Variants in LMTK2 observed in about 807,000 individuals in gnomAD.
LMTK2 encodes lemur tail kinase 2.
Under a neutral mutation model 127.5 loss-of-function variants are expected in LMTK2, and 37 were observed. The ratio of observed to expected loss-of-function variants is 0.29; its 90% CI spans 0.22 to 0.38. The LOEUF is 0.38. Ranked by LOEUF, LMTK2 falls within the 10% of genes least tolerant of loss-of-function variation. LMTK2 has a pLI of 1.00. For missense variants in LMTK2, 1,694 were observed against 1,920.3 expected (o/e 0.88, Z 2.20); for synonymous variants, 819 against 810.1 (o/e 1.01, Z -0.19).
intron 7 of LMTK2, among the ~76,000 whole-genome samples, chr7:98,174,456 G>A (rs1475246307): frequency 6.6e-6 from 1 of 152,224 alleles, no homozygotes; most frequent in African/African-American, 2.4e-5. Flanking sequence ...CATGTAAACA[G>A]CAGGCGCTGC....
intron 3 of LMTK2, among the ~76,000 whole-genome samples, chr7:98,149,161 C>T (rs1211861882): frequency 1.3e-5 from 2 of 152,192 alleles, no homozygotes; most frequent in Non-Finnish European, 2.9e-5. Flanking sequence ...CTCAGGACAA[C>T]CCCAGTTAGG....
rs548730770 is a variant in LMTK2 at position 98,116,408 on chromosome 7, ATGTGCGTGTGTT to A, written c.103+9140_103+9151del. ...TGTGTGTCTGTGTGTGTGTGTGTGC[ATGTGCGTGTGTT>A]TGTGCGTGTGTGTGTGTGTTTGTGT... On this transcript the variant is annotated intron_variant, in intron 1 of 13. Transcript: ENST00000297293. 2.4e-4 allele frequency among the ~76,000 whole-genome samples: 36 copies of A among 147,456 alleles called. No individual in the cohort carries two copies. The East Asian group carries it at 6.9e-3, about 28-fold the overall frequency.
rs1276135111 is a variant in LMTK2 at position 98,205,917 on chromosome 7, C to T, written c.*425C>T. 1.6e-5 allele frequency: 3 copies of T among 182,214 alleles called. No individual in the cohort carries two copies. Among genetic ancestry groups the T allele is most frequent in the Non-Finnish European group, 3.4e-5 (3 of 87,048 alleles). The allele number at this position is 182,214 out of a possible 1,614,324, so 11.3% of individuals were successfully genotyped here. A position where few individuals can be genotyped will look rare whatever the true frequency, so the allele number is the denominator to read the frequency against. On this transcript the variant is annotated 3_prime_UTR_variant, in exon 14 of 14. Coordinates refer to ENST00000297293, the MANE Select transcript of LMTK2 (RefSeq NM_014916.4). The stretch of plus-strand genomic sequence containing the variant: ...ACAGAGGACACGTGAGGGGAATGGT[C>T]ACCAGTGAGCCATATTTATTATTTC...
At position 98,154,792 on chromosome 7, in the gene LMTK2, T is replaced by C. The variant is rs1183742300; in HGVS notation, c.485T>C (p.Val162Ala). 7.4e-6 allele frequency: 12 copies of C among 1,613,596 alleles called. No individual in the cohort carries two copies. Among genetic ancestry groups the C allele is most frequent in the Middle Eastern group, 1.6e-4 (1 of 6,080 alleles). Residue 162 changes from valine (V) to alanine (A), a missense_variant, in exon 5 of 14, where the codon GTA becomes GCA. This residue lies in a region of LMTK2 where 203 missense variants were observed against 226.2 expected (regional missense o/e 0.90). Coordinates refer to ENST00000297293, the MANE Select transcript of LMTK2 (RefSeq NM_014916.4). ...GGAGAGATTTACACGGGCACTAGCG[T>C]AGCAAGAGTCATCGTGAAGGAGTTA... ...LLGEIYTGTSVARVIVKELKA... is the reference protein window; with the variant it reads ...LLGEIYTGTSAARVIVKELKA...
chr7:98,203,920 T>A (rs749891158), intron 12 of LMTK2, 24 bp from the exon 13 acceptor site: 206 of 1,610,258 alleles, frequency 1.3e-4, no homozygotes, highest in Non-Finnish European at 1.6e-4. Context: ...ATAAAAAGGG[T>A]GGGGTTTTAT....
intron 8 of LMTK2, 47 bp from the exon 9 acceptor site, chr7:98,186,830 A>G: frequency 6.4e-7 from 1 of 1,561,140 alleles, no homozygotes; most frequent in Non-Finnish European, 8.8e-7. Context: ...TGAACTCACC[A>G]AAAGTATAAT....
chr7:98,140,525 A>G (rs1584258703), intron 2 of LMTK2, among the ~76,000 whole-genome samples: 1 of 152,020 alleles, frequency 6.6e-6, no homozygotes, highest in Non-Finnish European at 1.5e-5. Context: ...TATGCGTCAC[A>G]TGGTTTTTTT....
At chr7:98,156,569 A>T (rs182886417) in intron 5 of LMTK2, among the ~76,000 whole-genome samples, 179 of 152,336 alleles carry the variant, frequency 1.2e-3, no homozygotes, top group African/African-American at 4.0e-3. Context: ...ATGTAAAATG[A>T]TAGAGCCACT....
intron 1 of LMTK2, among the ~76,000 whole-genome samples, chr7:98,131,114 G>A (rs974194281): frequency 2.6e-5 from 4 of 152,204 alleles, no homozygotes; most frequent in African/African-American, 9.6e-5. Context: ...GTGCTGTTTG[G>A]AAGCAAATTC....
At chr7:98,185,756 C>G (rs62479804) in intron 8 of LMTK2, among the ~76,000 whole-genome samples, 2 of 149,480 alleles carry the variant, frequency 1.3e-5, no homozygotes, top group East Asian at 3.9e-4. Flanking sequence ...TAAACGGAGT[C>G]TTGCTATATT....
At position 98,194,744 on chromosome 7, in the gene LMTK2, C is replaced by T. The variant is rs1046787921; in HGVS notation, c.4107+172C>T. Among the ~76,000 whole-genome samples, 1 of 152,240 alleles carries T rather than the reference C, an allele frequency of 6.6e-6. No homozygotes were observed. Among genetic ancestry groups the T allele is most frequent in the African/African-American group, 2.4e-5 (1 of 41,460 alleles). ...GAGTTCTAAGAATATGCAGAAATGT[C>T]ATTTGCTCAGGGAGTTCGTATTAAA... On this transcript the variant is annotated intron_variant, in intron 11 of 13. Transcript: ENST00000297293. This position sits in a 1 kb window ranked among gnomAD's most constrained non-coding sequence, Gnocchi z 5.4.
At chr7:98,152,204 G>A (rs941722706) in intron 4 of LMTK2, among the ~76,000 whole-genome samples, 1 of 152,092 alleles carries the variant, frequency 6.6e-6, no homozygotes, top group African/African-American at 2.4e-5. Context: ...CCGTCAAGTG[G>A]CCTGTAGTAA....
At chr7:98,152,261 TCTC>T (rs1056947511) in intron 4 of LMTK2, among the ~76,000 whole-genome samples, 1 of 152,116 alleles carries the variant, frequency 6.6e-6, no homozygotes, top group Non-Finnish European at 1.5e-5. Flanking sequence ...GAAGGAGTAA[TCTC>T]CTACAGCCAT....
At chr7:98,120,378 C>T (rs1796344012) in intron 1 of LMTK2, among the ~76,000 whole-genome samples, 1 of 152,088 alleles carries the variant, frequency 6.6e-6, no homozygotes, top group Non-Finnish European at 1.5e-5. Flanking sequence ...TAATTGCAAC[C>T]TTTAATTATA....
intron 1 of LMTK2, among the ~76,000 whole-genome samples, chr7:98,129,105 C>T (rs188540967): frequency 1.9e-4 from 29 of 152,206 alleles, no homozygotes; most frequent in Admixed American, 3.9e-4. Context: ...GACAGTCTCA[C>T]TGTGTCACCC....
chr7:98,112,232 C>G (rs1796210504), intron 1 of LMTK2, among the ~76,000 whole-genome samples: 2 of 152,238 alleles, frequency 1.3e-5, no homozygotes, highest in South Asian at 4.1e-4. Context: ...GGATCTTGCT[C>G]TGCTGCCCAG....
intron 1 of LMTK2, among the ~76,000 whole-genome samples, chr7:98,133,569 A>T (rs1362567654): frequency 1.3e-5 from 2 of 151,668 alleles, no homozygotes; most frequent in Non-Finnish European, 2.9e-5. Flanking sequence ...TTAAAGTTTT[A>T]AAAAGGGGTA....
Position 98,204,184 on chromosome 7 carries a change from G to A in LMTK2, c.4481G>A (p.Gly1494Asp). 1.9e-6 allele frequency: 3 copies of A among 1,605,124 alleles called. No individual in the cohort carries two copies. Among genetic ancestry groups the A allele is most frequent in the Non-Finnish European group, 2.5e-6 (3 of 1,179,934 alleles). The change falls in exon 13 of 14, where the codon GGC becomes GAC. Residue 1494 changes from glycine to aspartate, a missense_variant and splice_region_variant. This residue lies in a region of LMTK2 where 554 missense variants were observed against 567.7 expected (regional missense o/e 0.98). Coordinates refer to ENST00000297293, the MANE Select transcript of LMTK2 (RefSeq NM_014916.4). ...CTGACCGACTCGGACATCGAGCAGGGCGGTGAGAGGCGCTGCGTGCTGGGG... is the reference window on the plus strand; with the variant it reads ...CTGACCGACTCGGACATCGAGCAGGACGGTGAGAGGCGCTGCGTGCTGGGG... Reference protein sequence around the residue: ...THLTDSDIEQGGSSEDGEKD With the variant: ...THLTDSDIEQDGSSEDGEKD
At chr7:98,134,000 C>T (rs1052042596) in intron 1 of LMTK2, among the ~76,000 whole-genome samples, 1 of 152,190 alleles carries the variant, frequency 6.6e-6, no homozygotes, top group African/African-American at 2.4e-5. Context: ...TAATGACAGA[C>T]TTGGGTTCAA....
Sources: gnomAD v4.1 joint callset for allele counts (sites outside exome capture counted in the v4.1 genomes callset) on GRCh38, gnomAD v4.1.1 for gene constraint, gnomAD v4.1.1 regional missense constraint, Gnocchi (gnomAD v3.1) non-coding constraint, MANE v1.5 for transcripts, NCBI Gene and HGNC (gene_info 2026-07-23, HGNC 2026-07-21) for gene names.